ANKRD55: variants seen among roughly 807,000 people sequenced by gnomAD.
ANKRD55 encodes ankyrin repeat domain 55.
ANKRD55 carries 41 observed loss-of-function variants against 60.6 expected under a neutral mutation model. The ratio of observed to expected loss-of-function variants is 0.68; its 90% CI spans 0.53 to 0.88. ANKRD55 has a LOEUF of 0.88. Ranked by LOEUF, ANKRD55 falls within the 40% of genes least tolerant of loss-of-function variation. The probability of loss-of-function intolerance (pLI) is 0.00; values close to 1 mark genes in which losing one functional copy is unlikely to be tolerated. For synonymous variants in ANKRD55, 264 were observed against 290.3 expected, an observed-to-expected ratio of 0.91 and a Z score of 0.92; for missense variants, 732 against 767.6, an observed-to-expected ratio of 0.95 and a Z score of 0.55.
chr5:56,137,664 G>T, intron 7 of ANKRD55: 124 of 412,714 alleles, frequency 3.0e-4, no homozygotes, highest in East Asian at 5.4e-4. Context: ...ATCCATGGAA[G>T]AAAAAATTGA....
intron 11 of ANKRD55, 46 bp from the exon 12 acceptor site, chr5:56,100,350 T>C (rs1380159593): frequency 6.2e-7 from 1 of 1,611,282 alleles, no homozygotes. Context: ...TTTGCTTCTC[T>C]AACAGGAAGG....
In ANKRD55 at chr5:56,166,158, T is replaced by TTTCCTTCCTTCCTTCC. The variant is rs1180954187; in HGVS notation, c.422+4520_422+4535dup. On this transcript the variant is annotated intron_variant, in intron 5 of 11. Coordinates refer to ENST00000341048, the MANE Select transcript of ANKRD55 (RefSeq NM_024669.3). ...TCTTTCTTTCTTTCTTTCTTTCTTC[T>TTTCCTTCCTTCCTTCC]TTCCTTCCTTCCTTCCTTCCTTCCT... Among the ~76,000 whole-genome samples the TTTCCTTCCTTCCTTCC allele has an allele frequency of 1.8e-3, 127 of 72,440 alleles. 3 individuals are homozygous for TTTCCTTCCTTCCTTCC. The highest frequency in any genetic ancestry group is 3.7e-3 in the African/African-American group (58 of 15,490). The allele number at this position is 72,440 out of a possible 152,430, so 47.5% of individuals were successfully genotyped here.
intron 6 of ANKRD55, among the ~76,000 whole-genome samples, chr5:56,147,491 T>C (rs968502751): frequency 6.6e-6 from 1 of 152,234 alleles, no homozygotes; most frequent in African/African-American, 2.4e-5. Flanking sequence ...CTCCTGAAAG[T>C]GCAGTTGGCA....
chr5:56,222,893 T>C (rs1760005359), intron 2 of ANKRD55, among the ~76,000 whole-genome samples: 1 of 152,162 alleles, frequency 6.6e-6, no homozygotes, highest in Non-Finnish European at 1.5e-5. Context: ...TACCTGAAAG[T>C]GACGGGGAGA....
At chr5:56,165,804 C>A (rs902324116) in intron 5 of ANKRD55, among the ~76,000 whole-genome samples, 12 of 152,116 alleles carry the variant, frequency 7.9e-5, no homozygotes, top group African/African-American at 2.7e-4. Context: ...TGGTGCGTGT[C>A]TGTAATCCCA....
chr5:56,116,155 G>A (rs886952504), intron 9 of ANKRD55, among the ~76,000 whole-genome samples: 15 of 152,008 alleles, frequency 9.9e-5, no homozygotes, highest in Non-Finnish European at 4.4e-5. Context: ...GCACCTGGCC[G>A]CTCGGTTTTA....
At chr5:56,206,605 G>A (rs1389880800) in intron 2 of ANKRD55, among the ~76,000 whole-genome samples, 2 of 152,120 alleles carry the variant, frequency 1.3e-5, no homozygotes, top group Non-Finnish European at 2.9e-5. Flanking sequence ...GGGTCTGGTT[G>A]TTTCATAGTG....
At chr5:56,113,796 C>G (rs549857817) in intron 9 of ANKRD55, among the ~76,000 whole-genome samples, 47 of 151,894 alleles carry the variant, frequency 3.1e-4, no homozygotes, top group African/African-American at 1.1e-3. Context: ...ATTACAGGTG[C>G]ATGCCACCAC....
At chr5:56,120,832 G>C (rs1362064699) in intron 8 of ANKRD55, among the ~76,000 whole-genome samples, 2 of 150,516 alleles carry the variant, frequency 1.3e-5, no homozygotes, top group East Asian at 3.9e-4. Flanking sequence ...CTGGGAGGCA[G>C]AGGTTGCAGT....
At chr5:56,210,039 G>A (rs1297114254) in intron 2 of ANKRD55, among the ~76,000 whole-genome samples, 5 of 151,762 alleles carry the variant, frequency 3.3e-5, no homozygotes, top group Admixed American at 1.3e-4. Context: ...ATGGAGTCTC[G>A]TTCTGTCGCC....
intron 4 of ANKRD55, among the ~76,000 whole-genome samples, chr5:56,171,298 T>C (rs1158846161): frequency 6.6e-6 from 1 of 152,200 alleles, no homozygotes; most frequent in Non-Finnish European, 1.5e-5. Context: ...AATTCCTAAA[T>C]ATAAGGCATC....
At chr5:56,176,474 A>G (rs1008337928) in intron 3 of ANKRD55, among the ~76,000 whole-genome samples, 192 bp from the exon 4 acceptor site, 3 of 152,180 alleles carry the variant, frequency 2.0e-5, no homozygotes, top group Non-Finnish European at 4.4e-5. Flanking sequence ...GCTCTTTTCA[A>G]TCTTCTGCAA....
At chr5:56,173,952 G>A (rs1430754918) in intron 4 of ANKRD55, among the ~76,000 whole-genome samples, 4 of 152,078 alleles carry the variant, frequency 2.6e-5, no homozygotes, top group Admixed American at 1.3e-4. Flanking sequence ...TCCCGTTTGC[G>A]ACATTTTTCT....
intron 10 of ANKRD55, among the ~76,000 whole-genome samples, chr5:56,105,988 C>T (rs1187169533): frequency 6.6e-6 from 1 of 152,212 alleles, no homozygotes; most frequent in African/African-American, 2.4e-5. Context: ...ATTAAGCTGA[C>T]GTGCTCCAAA....
chr5:56,162,686 T>TG (rs1758361766), intron 5 of ANKRD55, among the ~76,000 whole-genome samples: 2 of 151,646 alleles, frequency 1.3e-5, no homozygotes, highest in South Asian at 4.2e-4. Context: ...TTTTTTTTTT[T>TG]TGAGACAAGC....
At chr5:56,233,069 C>A in intron 1 of ANKRD55, 123 bp from the exon 2 acceptor site, 1 of 671,488 alleles carries the variant, frequency 1.5e-6, no homozygotes, top group Non-Finnish European at 2.6e-6. Context: ...GTTGTCAAGG[C>A]AAGGTGATGA....
intron 4 of ANKRD55, among the ~76,000 whole-genome samples, chr5:56,173,568 C>CTATA (rs1290816439): frequency 8.9e-6 from 1 of 112,886 alleles, no homozygotes; most frequent in Admixed American, 9.0e-5. Context: ...CTCTCTCTCT[C>CTATA]TCTCTCTCTC....
intron 7 of ANKRD55, among the ~76,000 whole-genome samples, chr5:56,131,165 AAAC>A (rs934872739): frequency 2.0e-5 from 3 of 152,190 alleles, no homozygotes; most frequent in African/African-American, 7.2e-5. Flanking sequence ...CAACAAAAAA[AAAC>A]AACAAAACAA....
At chr5:56,119,922 A>G (rs566409903) in intron 8 of ANKRD55, among the ~76,000 whole-genome samples, 2 of 152,256 alleles carry the variant, frequency 1.3e-5, no homozygotes, top group East Asian at 3.9e-4. Flanking sequence ...TGTCTCAAAA[A>G]ACAAAAACTA....
Sources: gnomAD v4.1 joint callset for allele counts (sites outside exome capture counted in the v4.1 genomes callset) on GRCh38, gnomAD v4.1.1 for gene constraint, MANE v1.5 for transcripts, NCBI Gene and HGNC (gene_info 2026-07-23, HGNC 2026-07-21) for gene names.